DOCK1: variants seen among roughly 807,000 people sequenced by gnomAD.
DOCK1 encodes the protein dedicator of cytokinesis 1.
Under a neutral mutation model 262.7 loss-of-function variants are expected in DOCK1, and 138 were observed. That is an observed-to-expected ratio of 0.53 (90% CI 0.46 to 0.61). The LOEUF is 0.61. Among genes scored for constraint, DOCK1 ranks in the 20% least tolerant of loss-of-function variants. The pLI is 0.00. For synonymous variants in DOCK1, 866 were observed against 867.4 expected, an observed-to-expected ratio of 1.00 and a Z score of 0.03; for missense variants, 1,908 against 2,370.7, an observed-to-expected ratio of 0.80 and a Z score of 4.05.
chr10:127,297,011 A>C (rs1295738625), intron 29 of DOCK1, among the ~76,000 whole-genome samples: 3 of 152,180 alleles, frequency 2.0e-5, no homozygotes, highest in African/African-American at 7.2e-5. Flanking sequence ...CTGTGGAATC[A>C]GGGAGGCCAG....
intron 4 of DOCK1, among the ~76,000 whole-genome samples, chr10:126,985,075 C>T (rs374948537): frequency 3.1e-4 from 46 of 148,688 alleles, no homozygotes; most frequent in Admixed American, 1.0e-3. Context: ...CTGCCTCCTG[C>T]GTTCAAGCGA....
chr10:127,012,560 G>A lies in DOCK1; in HGVS notation c.1201+186G>A, dbSNP rs138941283. Reference sequence around the variant, plus strand: ...ACAGTGCATGATGGTTTTCTTGCCCGTCACCTTTGTGAACATTGCTGAGAG... The same window carrying A: ...ACAGTGCATGATGGTTTTCTTGCCCATCACCTTTGTGAACATTGCTGAGAG... On this transcript the variant is annotated intron_variant, in intron 12 of 51. Coordinates refer to ENST00000623213, the MANE Select transcript of DOCK1 (RefSeq NM_001290223.2). This position sits in a 1 kb window ranked among gnomAD's most constrained non-coding sequence, Gnocchi z 4.0. Among the ~76,000 whole-genome samples the A allele has an allele frequency of 6.2e-3, 946 of 152,212 alleles. 1 individual carries two copies. The highest frequency in any genetic ancestry group is 0.031 in the Middle Eastern group (9 of 294).
In DOCK1 at chr10:127,186,507, G is replaced by A. The variant is rs1780107; in HGVS notation, c.2847+58743G>A. On this transcript the variant is annotated intron_variant, in intron 27 of 51. Coordinates refer to ENST00000623213, the MANE Select transcript of DOCK1 (RefSeq NM_001290223.2). Reference sequence around the variant, plus strand: ...TCATGATAACAGCATGGGAGAAACCGCCCCCCCGCCCCCCCCCGATCCAGT... The same window carrying A: ...TCATGATAACAGCATGGGAGAAACCACCCCCCCGCCCCCCCCCGATCCAGT... Among the ~76,000 whole-genome samples the A allele has an allele frequency of 8.3e-3, 49 of 5,904 alleles. 3 individuals carry two copies. The highest frequency in any genetic ancestry group is 0.02 in the South Asian group (1 of 50). The allele number at this position is 5,904 out of a possible 152,430, so 3.9% of individuals were successfully genotyped here.
chr10:127,031,833 TC>T, intron 17 of DOCK1, 80 bp downstream of exon 17: 1 of 1,266,024 alleles, frequency 7.9e-7, no homozygotes, highest in East Asian at 2.3e-5. Flanking sequence ...GACCAACCTT[TC>T]CCATCATTGT....
At chr10:127,059,695 C>T (rs1363464087) in intron 22 of DOCK1, among the ~76,000 whole-genome samples, 2 of 151,916 alleles carry the variant, frequency 1.3e-5, no homozygotes, top group African/African-American at 4.8e-5. Flanking sequence ...TTCTATTTGT[C>T]ATTTTTTTAT....
intron 27 of DOCK1, among the ~76,000 whole-genome samples, chr10:127,188,181 C>T (rs577192654): frequency 1.2e-3 from 189 of 152,196 alleles, no homozygotes; most frequent in Non-Finnish European, 2.4e-3. Context: ...CACAGAGTGT[C>T]TGTGCCCTGG....
At chr10:127,186,846 C>T (rs1471297503) in intron 27 of DOCK1, among the ~76,000 whole-genome samples, 1 of 151,934 alleles carries the variant, frequency 6.6e-6, no homozygotes, top group East Asian at 1.9e-4. Flanking sequence ...GAGAGAAATG[C>T]ACAGACAAAC....
At chr10:127,388,447 A>G (rs144717113) in intron 38 of DOCK1, among the ~76,000 whole-genome samples, 1 of 152,382 alleles carries the variant, frequency 6.6e-6, no homozygotes, top group Non-Finnish European at 1.5e-5. Flanking sequence ...AATTTGAAGT[A>G]TCTGAGTGAT....
chr10:127,427,366 G>A (rs1473501021), intron 47 of DOCK1, among the ~76,000 whole-genome samples: 2 of 152,194 alleles, frequency 1.3e-5, no homozygotes, highest in Non-Finnish European at 1.5e-5. Flanking sequence ...ACCAGTCCCT[G>A]AAGTTCTCAG....
chr10:127,378,324 G>A (rs2065632217), intron 35 of DOCK1, among the ~76,000 whole-genome samples: 1 of 152,220 alleles, frequency 6.6e-6, no homozygotes, highest in Non-Finnish European at 1.5e-5. Context: ...CCTAGCGGTG[G>A]ATTGGAGTTG....
At chr10:126,942,202 T>TG in intron 1 of DOCK1, among the ~76,000 whole-genome samples, 1 of 152,178 alleles carries the variant, frequency 6.6e-6, no homozygotes, top group South Asian at 2.1e-4. Flanking sequence ...TTTTTGTACT[T>TG]TTAGTAGAGA....
rs576801023 is a variant in DOCK1 at position 127,383,991 on chromosome 10, C to T, written c.3808-799C>T. Among the ~76,000 whole-genome samples, 15 of 152,268 alleles carry T rather than the reference C, an allele frequency of 9.9e-5. No homozygotes were observed. The South Asian group carries it at 2.9e-3, about 30-fold the overall frequency. ...AGTGCAGTAGCCTGGTCCTAGCTCA[C>T]GCAGTGTTGTTCTGTGTCATTATTC... On this transcript the variant is annotated intron_variant, in intron 37 of 51. Transcript: ENST00000623213.
At chr10:127,328,119 CAAAAAAAA>C (rs11301683) in intron 29 of DOCK1, among the ~76,000 whole-genome samples, 4 of 72,536 alleles carry the variant, frequency 5.5e-5, no homozygotes, top group African/African-American at 1.3e-4. Flanking sequence ...TACAAATGGG[CAAAAAAAA>C]AAAAAAAAAA....
chr10:127,433,535 G>C (rs1443485283), intron 48 of DOCK1, 107 bp downstream of exon 48: 3 of 1,380,272 alleles, frequency 2.2e-6, no homozygotes, highest in Non-Finnish European at 2.9e-6. Context: ...AGGATTTTGT[G>C]TTCATCAAAA....
intron 27 of DOCK1, among the ~76,000 whole-genome samples, chr10:127,147,915 C>T (rs947358496): frequency 6.6e-6 from 1 of 151,482 alleles, no homozygotes; most frequent in Admixed American, 6.6e-5. Context: ...CACGTAGTCC[C>T]AGCTACTCGG....
intron 43 of DOCK1, 37 bp from the exon 44 acceptor site, chr10:127,415,115 T>G: frequency 1.3e-6 from 2 of 1,598,086 alleles, no homozygotes; most frequent in Non-Finnish European, 1.7e-6. Context: ...GCTGACATCC[T>G]TCTAACCCGT....
chr10:127,358,927 G>A (rs777413702), intron 32 of DOCK1, among the ~76,000 whole-genome samples: 21 of 152,116 alleles, frequency 1.4e-4, no homozygotes, highest in East Asian at 3.9e-4. Flanking sequence ...AGAGCTCCAC[G>A]TTCTGTAACT....
intron 27 of DOCK1, among the ~76,000 whole-genome samples, chr10:127,208,556 GTT>G (rs1270212708): frequency 6.6e-6 from 1 of 152,034 alleles, no homozygotes. Flanking sequence ...CTTAACATGA[GTT>G]TTTTCACTAA....
intron 23 of DOCK1, among the ~76,000 whole-genome samples, chr10:127,105,801 C>T (rs537172389): frequency 4.1e-4 from 63 of 152,214 alleles, no homozygotes; most frequent in African/African-American, 1.3e-3. Flanking sequence ...GCTTTGTTGC[C>T]GGGGCTGGAT....
Sources: gnomAD v4.1 joint callset for allele counts (sites outside exome capture counted in the v4.1 genomes callset) on GRCh38, gnomAD v4.1.1 for gene constraint, Gnocchi (gnomAD v3.1) non-coding constraint, MANE v1.5 for transcripts, NCBI Gene and HGNC (gene_info 2026-07-23, HGNC 2026-07-21) for gene names.